Variants in KCNIP4 observed in about 807,000 individuals in gnomAD.
KCNIP4 encodes Kv channel-interacting protein 4.
Under a neutral mutation model 34.0 loss-of-function variants are expected in KCNIP4, and 12 were observed. The ratio of observed to expected loss-of-function variants is 0.35; its 90% CI spans 0.23 to 0.57. The LOEUF (loss-of-function observed/expected upper bound fraction) is 0.57. Among genes scored for constraint, KCNIP4 ranks in the 20% least tolerant of loss-of-function variants. KCNIP4 has a pLI of 0.83. For synonymous variants in KCNIP4, 124 were observed against 102.2 expected (o/e 1.21, Z -1.29); for missense variants, 238 against 311.7 (o/e 0.76, Z 1.78).
chr4:21,658,766 G>C (rs982455757), intron 1 of KCNIP4, among the ~76,000 whole-genome samples: 1 of 152,148 alleles, frequency 6.6e-6, no homozygotes, highest in Non-Finnish European at 1.5e-5. Flanking sequence ...GAATAGTGAA[G>C]CATACAGCAT....
chr4:21,780,043 T>C (rs1474228018), intron 1 of KCNIP4, among the ~76,000 whole-genome samples: 1 of 151,698 alleles, frequency 6.6e-6, no homozygotes, highest in Non-Finnish European at 1.5e-5. Context: ...GCTTAGTAAA[T>C]ATTATGAAGA....
At chr4:21,658,460 G>C (rs980401860) in intron 1 of KCNIP4, among the ~76,000 whole-genome samples, 2 of 152,078 alleles carry the variant, frequency 1.3e-5, no homozygotes, top group Non-Finnish European at 2.9e-5. Context: ...GTATTGCCCA[G>C]GCTGGAGTGC....
intron 1 of KCNIP4, among the ~76,000 whole-genome samples, chr4:21,749,214 T>C (rs913283444): frequency 6.6e-6 from 1 of 152,154 alleles, no homozygotes; most frequent in Non-Finnish European, 1.5e-5. Flanking sequence ...CTTTCCTCCC[T>C]ATTAGAGCAG....
chr4:21,680,955 A>G (rs1750295734), intron 1 of KCNIP4, among the ~76,000 whole-genome samples: 1 of 152,214 alleles, frequency 6.6e-6, no homozygotes, highest in South Asian at 2.1e-4. Context: ...TAAAGTCATA[A>G]GCTGCATTAG....
chr4:20,816,353 C>G (rs1716388071), intron 3 of KCNIP4, among the ~76,000 whole-genome samples: 1 of 151,446 alleles, frequency 6.6e-6, no homozygotes, highest in South Asian at 2.1e-4. Flanking sequence ...GTAGGGAGAA[C>G]ACTTTAGGGA....
intron 1 of KCNIP4, among the ~76,000 whole-genome samples, chr4:20,930,389 T>C (rs1404079268): frequency 1.3e-5 from 2 of 152,012 alleles, no homozygotes; most frequent in African/African-American, 2.4e-5. Flanking sequence ...AAATGTAAGA[T>C]GTGAAACCAT....
chr4:21,688,613 A>T (rs754230449), intron 1 of KCNIP4, among the ~76,000 whole-genome samples: 4 of 152,160 alleles, frequency 2.6e-5, no homozygotes, highest in Non-Finnish European at 4.4e-5. Flanking sequence ...AAGGAAAGAA[A>T]ATAGGATCTG....
intron 1 of KCNIP4, among the ~76,000 whole-genome samples, chr4:21,084,180 C>T (rs1032459711): frequency 6.6e-6 from 1 of 151,774 alleles, no homozygotes; most frequent in African/African-American, 2.4e-5. Flanking sequence ...CGTGCTAACA[C>T]CTGCTCTCAC....
At chr4:20,881,179 T>G (rs1325373023) in intron 2 of KCNIP4, among the ~76,000 whole-genome samples, 1 of 152,246 alleles carries the variant, frequency 6.6e-6, no homozygotes, top group East Asian at 1.9e-4. Context: ...AATCTTATTA[T>G]GATGATATAT....
At chr4:21,329,131 A>G (rs1715376173) in intron 1 of KCNIP4, among the ~76,000 whole-genome samples, 1 of 152,266 alleles carries the variant, frequency 6.6e-6, no homozygotes, top group South Asian at 2.1e-4. Flanking sequence ...AATTTCAATA[A>G]GTGCTAAGTC....
chr4:20,737,789 G>GT, intron 5 of KCNIP4, among the ~76,000 whole-genome samples: 1 of 152,214 alleles, frequency 6.6e-6, no homozygotes, highest in African/African-American at 2.4e-5. Flanking sequence ...ATAGAATGTA[G>GT]TTTAGTTAAA....
chr4:21,907,269 AG>A lies in KCNIP4; in HGVS notation c.61+41301del, dbSNP rs143942136. Among the ~76,000 whole-genome samples the A allele has an allele frequency of 2.1e-3, 323 of 152,258 alleles. 1 individual carries two copies. Among genetic ancestry groups the A allele is most frequent in the African/African-American group, 7.5e-3 (312 of 41,548 alleles). ...TGCAGGACTAACTCCGTTACTGAAA[AG>A]AGTGGGTTGCTATAAAGCAAGGCCG... On this transcript the variant is annotated intron_variant, in intron 1 of 8. Transcript: ENST00000382152.
chr4:21,720,543 T>G (rs1313659409), intron 1 of KCNIP4, among the ~76,000 whole-genome samples: 6 of 135,206 alleles, frequency 4.4e-5, no homozygotes, highest in Non-Finnish European at 7.7e-5. Flanking sequence ...TTTTTTTTTT[T>G]CATTGTACTT....
chr4:21,306,687 G>A (rs1174287023), intron 1 of KCNIP4, among the ~76,000 whole-genome samples: 3 of 152,140 alleles, frequency 2.0e-5, no homozygotes, highest in Non-Finnish European at 4.4e-5. Flanking sequence ...AACTCAAAAG[G>A]GAGTTGTTTT....
chr4:21,470,653 A>G (rs1463429822), intron 1 of KCNIP4, among the ~76,000 whole-genome samples: 1 of 152,116 alleles, frequency 6.6e-6, no homozygotes, highest in African/African-American at 2.4e-5. Flanking sequence ...GAAGAAGCAT[A>G]TGAAAAAATA....
chr4:21,572,776 G>A (rs1474001304), intron 1 of KCNIP4, among the ~76,000 whole-genome samples: 1 of 151,952 alleles, frequency 6.6e-6, no homozygotes, highest in East Asian at 1.9e-4. Context: ...ACAGGCATGT[G>A]CCACCACACC....
chr4:20,873,318 C>A (rs914322959), intron 2 of KCNIP4, among the ~76,000 whole-genome samples: 2 of 152,120 alleles, frequency 1.3e-5, no homozygotes, highest in African/African-American at 4.8e-5. Flanking sequence ...ATTGTACCTT[C>A]CTCACAGACT....
At chr4:21,434,189 G>A (rs1050622419) in intron 1 of KCNIP4, among the ~76,000 whole-genome samples, 6 of 152,130 alleles carry the variant, frequency 3.9e-5, no homozygotes, top group African/African-American at 1.4e-4. Flanking sequence ...TAGTAAAACA[G>A]ATATTCATGT....
intron 1 of KCNIP4, among the ~76,000 whole-genome samples, chr4:21,211,152 A>T (rs1188595322): frequency 6.6e-6 from 1 of 152,184 alleles, no homozygotes; most frequent in Non-Finnish European, 1.5e-5. Flanking sequence ...TTTTTTCACC[A>T]GGTGATCTTT....
Sources: gnomAD v4.1 joint callset for allele counts (sites outside exome capture counted in the v4.1 genomes callset) on GRCh38, gnomAD v4.1.1 for gene constraint, MANE v1.5 for transcripts, NCBI Gene and HGNC (gene_info 2026-07-23, HGNC 2026-07-21) for gene names.